Variants in PALM2AKAP2 observed in about 807,000 individuals in gnomAD.
The protein encoded by PALM2AKAP2 is PALM2-AKAP2 fusion protein.
PALM2AKAP2 carries 37 observed loss-of-function variants against 71.5 expected under a neutral mutation model. The ratio of observed to expected loss-of-function variants is 0.52; its 90% CI spans 0.40 to 0.68. The LOEUF (loss-of-function observed/expected upper bound fraction) is 0.68. Among genes scored for constraint, PALM2AKAP2 ranks in the 30% least tolerant of loss-of-function variants. The pLI is 0.00. For synonymous variants in PALM2AKAP2, 468 were observed against 478.8 expected, an observed-to-expected ratio of 0.98 and a Z score of 0.29; for missense variants, 1,224 against 1,191.8, an observed-to-expected ratio of 1.03 and a Z score of -0.40.
chr9:109,773,693 C>T (rs1355112620), intron 1 of PALM2AKAP2, among the ~76,000 whole-genome samples: 8 of 152,142 alleles, frequency 5.3e-5, no homozygotes, highest in Admixed American at 4.6e-4. Context: ...GTGACTTGTA[C>T]AAAGTCACAC....
At chr9:109,873,561 CA>C (rs1187740675) in intron 2 of PALM2AKAP2, among the ~76,000 whole-genome samples, 1 of 152,078 alleles carries the variant, frequency 6.6e-6, no homozygotes, top group Non-Finnish European at 1.5e-5. Flanking sequence ...AGCCAGATTA[CA>C]AATGAATGAA....
At chr9:110,110,003 A>G (rs1353220764) in intron 1 of PALM2AKAP2, among the ~76,000 whole-genome samples, 1 of 152,180 alleles carries the variant, frequency 6.6e-6, no homozygotes, top group Admixed American at 6.5e-5. Context: ...CAGCAGGACT[A>G]AATTCAAGAG....
In PALM2AKAP2 at chr9:109,869,485, C is replaced by T. The variant is rs555139520; in HGVS notation, c.126+1914C>T. Reference sequence around the variant, plus strand: ...CTGGGACTACAAATGCCCGCCACCACGCCCAGCTAATTTTTTTTTTTTTTT... The same window carrying T: ...CTGGGACTACAAATGCCCGCCACCATGCCCAGCTAATTTTTTTTTTTTTTT... On this transcript the variant is annotated intron_variant, in intron 2 of 9. Transcript: ENST00000302798. Among the ~76,000 whole-genome samples, 84 of 145,364 alleles carry T rather than the reference C, an allele frequency of 5.8e-4. 1 individual carries two copies. The highest frequency in any genetic ancestry group is 1.9e-3 in the African/African-American group (74 of 39,046).
At chr9:109,972,775 T>C (rs1323456748) in intron 6 of PALM2AKAP2, among the ~76,000 whole-genome samples, 3 of 152,178 alleles carry the variant, frequency 2.0e-5, no homozygotes, top group Non-Finnish European at 4.4e-5. Flanking sequence ...AACATTACCT[T>C]GCCCCTGGGT....
At chr9:109,698,272 ATTTT>A (rs774359983) in intron 1 of PALM2AKAP2, among the ~76,000 whole-genome samples, 1 of 118,560 alleles carries the variant, frequency 8.4e-6, no homozygotes, top group Non-Finnish European at 1.7e-5. Flanking sequence ...TGTGTGCTAC[ATTTT>A]TTTTTTTTTT....
intron 1 of PALM2AKAP2, among the ~76,000 whole-genome samples, chr9:109,792,079 C>T (rs1827125442): frequency 1.3e-5 from 2 of 152,034 alleles, no homozygotes; most frequent in Non-Finnish European, 2.9e-5. Flanking sequence ...CAGTATAAAG[C>T]TATGTGAGTT....
chr9:110,039,574 T>C (rs1332394810), intron 7 of PALM2AKAP2, among the ~76,000 whole-genome samples: 3 of 152,288 alleles, frequency 2.0e-5, no homozygotes, highest in African/African-American at 7.2e-5. Flanking sequence ...TACCGTAAAA[T>C]GAGAAAAATG....
intron 2 of PALM2AKAP2, among the ~76,000 whole-genome samples, chr9:110,142,068 C>CTTTT (rs994621645): frequency 8.2e-5 from 10 of 121,850 alleles, no homozygotes; most frequent in African/African-American, 2.7e-4. Flanking sequence ...TCTTATTTTA[C>CTTTT]TTTTTTTTTT....
intron 7 of PALM2AKAP2, among the ~76,000 whole-genome samples, chr9:110,022,925 T>C (rs1308564459): frequency 3.3e-5 from 5 of 152,256 alleles, no homozygotes; most frequent in African/African-American, 1.2e-4. Context: ...TTTTTATGGC[T>C]GCATAGTATT....
chr9:109,720,131 G>C (rs767752015), intron 1 of PALM2AKAP2, among the ~76,000 whole-genome samples: 8 of 152,042 alleles, frequency 5.3e-5, no homozygotes, highest in Non-Finnish European at 8.8e-5. Context: ...TGAGCTTACG[G>C]GCACATGCTA....
Position 109,887,216 on chromosome 9 carries a change from T to G in PALM2AKAP2, c.257+6535T>G, listed in dbSNP as rs548128534. ...GGCAACCAAGAAGATGACAGTTACT[T>G]ACAACTGTTCTAGAAAAGGCAACCA... On this transcript the variant is annotated intron_variant, in intron 3 of 9. Transcript: ENST00000302798. 3.9e-5 allele frequency among the ~76,000 whole-genome samples: 6 copies of G among 152,380 alleles called. No individual in the cohort carries two copies. In the East Asian group the frequency reaches 1.2e-3, roughly 29 times the overall value.
chr9:109,951,518 G>A (rs1831641454), intron 6 of PALM2AKAP2, among the ~76,000 whole-genome samples: 1 of 152,100 alleles, frequency 6.6e-6, no homozygotes, highest in African/African-American at 2.4e-5. Flanking sequence ...CTTCTCACCT[G>A]CCACTAGCGG....
chr9:109,867,582 G>T lies in PALM2AKAP2; in HGVS notation c.126+11G>T. The stretch of plus-strand genomic sequence containing the variant: ...CTGCAGCATTCCAAGGTAAGCAGCT[G>T]ATCCCAGGAACCTATTCCATTATTA... On this transcript the variant is annotated intron_variant, in intron 2 of 9. Transcript: ENST00000302798. 6.2e-7 allele frequency: 1 copy of T among 1,610,078 alleles called. No homozygotes were observed. Among genetic ancestry groups the T allele is most frequent in the South Asian group, 1.1e-5 (1 of 90,740 alleles).
chr9:109,735,190 C>A (rs963734917), intron 1 of PALM2AKAP2, among the ~76,000 whole-genome samples: 1 of 148,188 alleles, frequency 6.7e-6, no homozygotes, highest in Non-Finnish European at 1.5e-5. Flanking sequence ...CTGGCTACTG[C>A]CTTGCATACT....
At chr9:109,935,516 A>G (rs1831199523) in intron 6 of PALM2AKAP2, among the ~76,000 whole-genome samples, 1 of 152,196 alleles carries the variant, frequency 6.6e-6, no homozygotes, top group Admixed American at 6.5e-5. Flanking sequence ...GGATCTTTTC[A>G]AATGCAATTT....
chr9:109,658,843 C>A (rs1827347258), intron 1 of PALM2AKAP2, among the ~76,000 whole-genome samples: 1 of 152,136 alleles, frequency 6.6e-6, no homozygotes, highest in Non-Finnish European at 1.5e-5. Flanking sequence ...AGTAGAAAAT[C>A]TAATTTTTAA....
intron 2 of PALM2AKAP2, among the ~76,000 whole-genome samples, chr9:109,878,096 G>A (rs1025621692): frequency 6.6e-6 from 1 of 152,140 alleles, no homozygotes; most frequent in African/African-American, 2.4e-5. Flanking sequence ...AAGAGCAACC[G>A]ATTTGCCCCA....
At chr9:110,051,151 T>A (rs750116237) in intron 1 of PALM2AKAP2, among the ~76,000 whole-genome samples, 2 of 152,214 alleles carry the variant, frequency 1.3e-5, no homozygotes, top group Non-Finnish European at 2.9e-5. Context: ...GGCTTTGAGA[T>A]GGGACAAACA....
At chr9:109,736,292 C>T (rs1370557694) in intron 1 of PALM2AKAP2, among the ~76,000 whole-genome samples, 1 of 152,096 alleles carries the variant, frequency 6.6e-6, no homozygotes, top group African/African-American at 2.4e-5. Flanking sequence ...TAAAAGTTTT[C>T]TGTAGCGACA....
Sources: allele counts gnomAD v4.1 joint callset (sites outside exome capture counted in the v4.1 genomes callset), GRCh38; gene constraint gnomAD v4.1.1; transcripts MANE v1.5; gene names NCBI Gene and HGNC (gene_info 2026-07-23, HGNC 2026-07-21).